Variants in NCKAP5 observed in about 807,000 individuals in gnomAD.
NCKAP5 encodes the protein nck-associated protein 5.
Under a neutral mutation model 167.0 loss-of-function variants are expected in NCKAP5, and 92 were observed. The ratio of observed to expected loss-of-function variants is 0.55; its 90% CI spans 0.47 to 0.66. NCKAP5 has a LOEUF of 0.66. NCKAP5 is among the 30% of genes least tolerant of loss of function. NCKAP5 has a pLI of 0.00. For missense variants in NCKAP5, 2,378 were observed against 2,315.0 expected, an observed-to-expected ratio of 1.03 and a Z score of -0.56; for synonymous variants, 891 against 877.4, an observed-to-expected ratio of 1.02 and a Z score of -0.27.
At chr2:133,308,459 C>G (rs900273181) in intron 3 of NCKAP5, among the ~76,000 whole-genome samples, 2 of 151,862 alleles carry the variant, frequency 1.3e-5, no homozygotes, top group African/African-American at 2.4e-5. Flanking sequence ...GTATGTACAA[C>G]TGGGGAAAGC....
At chr2:133,234,815 A>G (rs1453559177) in intron 4 of NCKAP5, among the ~76,000 whole-genome samples, 3 of 151,914 alleles carry the variant, frequency 2.0e-5, no homozygotes, top group African/African-American at 7.2e-5. Flanking sequence ...AGAAAGATGA[A>G]AAATGTTAAG....
At chr2:133,176,576 A>T (rs2150013308) in intron 5 of NCKAP5, among the ~76,000 whole-genome samples, 1 of 152,370 alleles carries the variant, frequency 6.6e-6, no homozygotes, top group Non-Finnish European at 1.5e-5. Context: ...AATCCACTTT[A>T]AAACTGCGTA....
At chr2:132,902,654 A>T (rs1693716132) in intron 8 of NCKAP5, among the ~76,000 whole-genome samples, 1 of 152,240 alleles carries the variant, frequency 6.6e-6, no homozygotes, top group Non-Finnish European at 1.5e-5. Flanking sequence ...GGCTTGATTG[A>T]AGAGAAAGTC....
intron 19 of NCKAP5, among the ~76,000 whole-genome samples, chr2:132,720,597 G>C (rs1428604690): frequency 6.6e-6 from 1 of 152,184 alleles, no homozygotes; most frequent in African/African-American, 2.4e-5. Flanking sequence ...GAAGGAGCCA[G>C]GGCCAATGGG....
At chr2:132,824,885 T>A (rs2105337013) in intron 11 of NCKAP5, among the ~76,000 whole-genome samples, 1 of 152,338 alleles carries the variant, frequency 6.6e-6, no homozygotes, top group East Asian at 1.9e-4. Flanking sequence ...AAAAGACATG[T>A]GGCATGAGAA....
chr2:133,662,600 G>C, the NCKAP5 span, among the ~76,000 whole-genome samples: 2 of 143,500 alleles, frequency 1.4e-5, no homozygotes, highest in Non-Finnish European at 3.0e-5. Context: ...ATACCATTAG[G>C]TTGGTGCAAA....
At chr2:133,079,863 T>C (rs1261060424) in intron 6 of NCKAP5, among the ~76,000 whole-genome samples, 2 of 152,308 alleles carry the variant, frequency 1.3e-5, no homozygotes, top group African/African-American at 4.8e-5. Flanking sequence ...TTAATGGTTG[T>C]AGAATATTCT....
chr2:133,529,980 T>C (rs1266329849), intron 2 of NCKAP5, among the ~76,000 whole-genome samples: 2 of 152,218 alleles, frequency 1.3e-5, no homozygotes, highest in African/African-American at 2.4e-5. Context: ...CACTTTGTTA[T>C]GGTATAGAAT....
intron 19 of NCKAP5, among the ~76,000 whole-genome samples, chr2:132,711,284 G>A (rs1309967117): frequency 6.6e-6 from 1 of 151,932 alleles, no homozygotes; most frequent in Admixed American, 6.6e-5. Flanking sequence ...TTGCCTTCCA[G>A]GCTTTGGTCA....
chr2:133,592,264 A>C, the NCKAP5 span, among the ~76,000 whole-genome samples: 2 of 152,212 alleles, frequency 1.3e-5, no homozygotes, highest in African/African-American at 4.8e-5. Context: ...TTTTGCTTAC[A>C]AACTATGTCA....
At chr2:132,968,493 T>C (rs1350492273) in intron 7 of NCKAP5, among the ~76,000 whole-genome samples, 2 of 152,200 alleles carry the variant, frequency 1.3e-5, no homozygotes, top group African/African-American at 4.8e-5. Context: ...TTTTTAGGCC[T>C]CAGTTTCCCC....
At chr2:133,181,603 C>CAAAAAAAAAAAAAAAAAAAAAAA (rs34264277) in intron 5 of NCKAP5, among the ~76,000 whole-genome samples, 6 of 71,150 alleles carry the variant, frequency 8.4e-5, no homozygotes, top group African/African-American at 3.5e-4. Flanking sequence ...CCCATCTCTA[C>CAAAAAAAAAAAAAAAAAAAAAAA]AAAAAAAAAA....
At chr2:133,498,372 A>G (rs534243864) in intron 3 of NCKAP5, among the ~76,000 whole-genome samples, 1 of 151,712 alleles carries the variant, frequency 6.6e-6, no homozygotes, top group South Asian at 2.1e-4. Context: ...GAGGGAGCAG[A>G]GTAAAAGTGG....
intron 16 of NCKAP5, among the ~76,000 whole-genome samples, chr2:132,761,067 C>A (rs1680965102): frequency 6.6e-6 from 1 of 151,932 alleles, no homozygotes; most frequent in Non-Finnish European, 1.5e-5. Flanking sequence ...TTTTCCCCAG[C>A]TATTGTTAAG....
intron 5 of NCKAP5, among the ~76,000 whole-genome samples, chr2:133,181,603 CAAAAAAAAAAAA>C (rs34264277): frequency 1.4e-5 from 1 of 71,158 alleles, no homozygotes; most frequent in Non-Finnish European, 2.6e-5. Context: ...CCCATCTCTA[CAAAAAAAAAAAA>C]AAAAAAAAAA....
chr2:133,349,281 T>C (rs1230209296), intron 3 of NCKAP5, among the ~76,000 whole-genome samples: 1 of 152,206 alleles, frequency 6.6e-6, no homozygotes, highest in Non-Finnish European at 1.5e-5. Context: ...CTGGCTGCCC[T>C]AGGAAGAAGA....
intron 6 of NCKAP5, among the ~76,000 whole-genome samples, chr2:133,098,397 A>G (rs2081407465): frequency 6.6e-6 from 1 of 152,132 alleles, no homozygotes; most frequent in Non-Finnish European, 1.5e-5. Context: ...GGATCGAATG[A>G]CTCCATCATG....
chr2:132,842,781 C>A (rs1316431067), intron 11 of NCKAP5, among the ~76,000 whole-genome samples: 2 of 152,040 alleles, frequency 1.3e-5, no homozygotes, highest in Non-Finnish European at 2.9e-5. Flanking sequence ...ATCAAGCAAT[C>A]CTTCTGCCTC....
chr2:133,253,686 C>T (rs1439436395), intron 4 of NCKAP5, among the ~76,000 whole-genome samples: 4 of 152,158 alleles, frequency 2.6e-5, no homozygotes, highest in Middle Eastern at 3.2e-3. Context: ...CATTTAAACT[C>T]CTAGTCTCAG....
Sources: gnomAD v4.1 joint callset for allele counts (sites outside exome capture counted in the v4.1 genomes callset) on GRCh38, gnomAD v4.1.1 for gene constraint, MANE v1.5 for transcripts, NCBI Gene and HGNC (gene_info 2026-07-23, HGNC 2026-07-21) for gene names.